ERP44: variants seen among roughly 807,000 people sequenced by gnomAD.
The protein encoded by ERP44 is endoplasmic reticulum resident protein 44.
A neutral mutation model predicts 53.4 loss-of-function variants in ERP44; 25 were observed. The observed-to-expected ratio is 0.47, with a 90% CI of 0.34 to 0.65. The LOEUF (loss-of-function observed/expected upper bound fraction) is 0.65. ERP44 is among the 30% of genes least tolerant of loss of function. ERP44 has a pLI of 0.01. For synonymous variants in ERP44, 145 were observed against 161.2 expected, an observed-to-expected ratio of 0.90 and a Z score of 0.76; for missense variants, 338 against 493.2, an observed-to-expected ratio of 0.69 and a Z score of 2.98.
At chr9:100,077,963 A>T (rs1826376835) in intron 1 of ERP44, among the ~76,000 whole-genome samples, 1 of 152,132 alleles carries the variant, frequency 6.6e-6, no homozygotes. Flanking sequence ...AGGAAAAAAA[A>T]CACAACCACC....
chr9:99,997,122 C>T (rs550173957), intron 10 of ERP44, among the ~76,000 whole-genome samples: 86 of 152,154 alleles, frequency 5.7e-4, no homozygotes, highest in Non-Finnish European at 1.1e-3. Flanking sequence ...TGCGAAGTAT[C>T]TTTTTCATAT....
chr9:100,042,879 T>C (rs1825921426), intron 4 of ERP44, among the ~76,000 whole-genome samples: 1 of 152,034 alleles, frequency 6.6e-6, no homozygotes, highest in African/African-American at 2.4e-5. Context: ...CTCATGGAGA[T>C]AGAGCATAGA....
chr9:99,980,072 C>G lies in ERP44; in HGVS notation c.*2540G>C, dbSNP rs769579199. 1.0e-5 allele frequency: 4 copies of G among 398,508 alleles called. No individual in the cohort carries two copies. Among genetic ancestry groups the G allele is most frequent in the Admixed American group, 4.4e-5 (1 of 22,734 alleles). The allele number at this position is 398,508 out of a possible 1,614,324, so 24.7% of individuals were successfully genotyped here. On this transcript the variant is annotated 3_prime_UTR_variant, in exon 12 of 12. Transcript: ENST00000262455. ...TTTGCTCAGATTATTCCCTCTCAGC[C>G]AGATCCCTACCTCCTGAGAACACCT... is the stretch of plus-strand genomic sequence containing the variant.
intron 1 of ERP44, among the ~76,000 whole-genome samples, chr9:100,085,409 C>A (rs1420341103): frequency 6.6e-6 from 1 of 152,130 alleles, no homozygotes; most frequent in South Asian, 2.1e-4. Context: ...TGTTAAATCC[C>A]CAGTTTCATC....
intron 7 of ERP44, among the ~76,000 whole-genome samples, chr9:100,016,732 T>C (rs528702635): frequency 6.6e-6 from 1 of 152,294 alleles, no homozygotes; most frequent in East Asian, 1.9e-4. Flanking sequence ...TACATTCTTA[T>C]ATCCATCCAT....
chr9:100,083,733 C>T (rs1288842604), intron 1 of ERP44, among the ~76,000 whole-genome samples: 1 of 152,178 alleles, frequency 6.6e-6, no homozygotes, highest in African/African-American at 2.4e-5. Context: ...AAGAAAGTAA[C>T]ACTGCCCAAG....
intron 4 of ERP44, among the ~76,000 whole-genome samples, chr9:100,040,613 T>G (rs755266524): frequency 2.8e-4 from 43 of 152,090 alleles, no homozygotes; most frequent in Non-Finnish European, 5.7e-4. Context: ...AATACAAGGA[T>G]GCCCACTGTC....
intron 10 of ERP44, among the ~76,000 whole-genome samples, chr9:99,987,832 T>G (rs924012343): frequency 6.6e-6 from 1 of 152,182 alleles, no homozygotes; most frequent in Non-Finnish European, 1.5e-5. Flanking sequence ...TATAAAAAGA[T>G]CTGTTCCTGT....
At chr9:100,005,005 A>G (rs929265792) in intron 10 of ERP44, among the ~76,000 whole-genome samples, 1 of 152,194 alleles carries the variant, frequency 6.6e-6, no homozygotes, top group African/African-American at 2.4e-5. Context: ...TTCCCTGATT[A>G]AAACCTTTCA....
chr9:100,079,992 T>C (rs1277410435), intron 1 of ERP44, among the ~76,000 whole-genome samples: 2 of 151,916 alleles, frequency 1.3e-5, no homozygotes, highest in African/African-American at 2.4e-5. Flanking sequence ...TTCAGTTATA[T>C]ATAAAGTAAG....
intron 1 of ERP44, among the ~76,000 whole-genome samples, chr9:100,096,979 T>C (rs1042012812): frequency 5.3e-5 from 8 of 152,198 alleles, no homozygotes; most frequent in African/African-American, 1.9e-4. Flanking sequence ...TAAAACTAGG[T>C]AAACACTGTA....
At chr9:100,002,775 C>G (rs1490069739) in intron 10 of ERP44, among the ~76,000 whole-genome samples, 3 of 151,990 alleles carry the variant, frequency 2.0e-5, no homozygotes, top group Non-Finnish European at 4.4e-5. Flanking sequence ...CCCTGATTTT[C>G]AACAGTTTAT....
At chr9:100,028,272 G>A (rs1159351515) in intron 4 of ERP44, among the ~76,000 whole-genome samples, 1 of 152,198 alleles carries the variant, frequency 6.6e-6, no homozygotes, top group Non-Finnish European at 1.5e-5. Context: ...AATGCCTCTT[G>A]CTTAGTGCCA....
At chr9:99,997,647 C>T (rs1263324525) in intron 10 of ERP44, among the ~76,000 whole-genome samples, 3 of 152,080 alleles carry the variant, frequency 2.0e-5, no homozygotes, top group Non-Finnish European at 4.4e-5. Context: ...TGGTTTAAAC[C>T]GTAATGGTTA....
intron 3 of ERP44, among the ~76,000 whole-genome samples, chr9:100,053,941 T>C (rs886522307): frequency 1.3e-5 from 2 of 152,240 alleles, no homozygotes; most frequent in Admixed American, 6.5e-5. Flanking sequence ...TTAGCTTTAA[T>C]ACAATAAAAA....
At chr9:100,043,783 C>T (rs973023005) in intron 4 of ERP44, among the ~76,000 whole-genome samples, 2 of 151,952 alleles carry the variant, frequency 1.3e-5, no homozygotes, top group Admixed American at 6.6e-5. Context: ...TTCTTGTAAT[C>T]CATAAAAATA....
chr9:99,985,045 G>A lies in ERP44; in HGVS notation c.1041C>T (p.Phe347=), dbSNP rs572046036. The change falls in exon 11 of 12, where the codon TTC becomes TTT. Residue 347 remains phenylalanine, a synonymous_variant. Transcript: ENST00000262455. The stretch of plus-strand genomic sequence containing the variant: ...GTTTTCCAGAATGTAAGTCAAATAC[G>A]AATTGCTTGAGTTTTCCAGGAATTC... ...DVLIPGKLKQ[F]VFDLHSGKLH... 4.2e-5 allele frequency: 68 copies of A among 1,611,956 alleles called. 1 individual carries two copies. The highest frequency in any genetic ancestry group is 3.7e-4 in the South Asian group (34 of 90,944).
intron 1 of ERP44, 147 bp downstream of exon 1, chr9:100,098,637 C>A: frequency 1.6e-6 from 1 of 617,700 alleles, no homozygotes; most frequent in Non-Finnish European, 2.8e-6. Context: ...AGCCGACAGG[C>A]GAGAGTGAGG....
At position 99,983,538 on chromosome 9, in the gene ERP44, C is replaced by T. The variant is rs527394364; in HGVS notation, c.1120-825G>A. Among the ~76,000 whole-genome samples, 5 of 120,812 alleles carry T rather than the reference C, an allele frequency of 4.1e-5. No individual in the cohort carries two copies. In the South Asian group the frequency reaches 7.9e-4, roughly 19 times the overall value. The allele number at this position is 120,812 out of a possible 152,430, so 79.3% of individuals were successfully genotyped here. On this transcript the variant is annotated intron_variant, in intron 11 of 11. Transcript: ENST00000262455. ...CCGCAGTCCGACCTGGGCGACAGAG[C>T]GAGACTCCGTCTCAAAAAAAAAAAA...
Sources: gnomAD v4.1 joint callset for allele counts (sites outside exome capture counted in the v4.1 genomes callset) on GRCh38, gnomAD v4.1.1 for gene constraint, MANE v1.5 for transcripts, NCBI Gene and HGNC (gene_info 2026-07-23, HGNC 2026-07-21) for gene names.